The following FREM2 variants were observed in gnomAD, a reference collection of about 807,000 sequenced individuals.
FREM2 encodes the protein FRAS1-related extracellular matrix protein 2.
FREM2 carries 119 observed loss-of-function variants against 219.9 expected under a neutral mutation model. That is an observed-to-expected ratio of 0.54 (90% CI 0.47 to 0.63). FREM2 has a LOEUF of 0.63. Ranked by LOEUF, FREM2 falls within the 30% of genes least tolerant of loss-of-function variation. The pLI, the probability that FREM2 is intolerant of heterozygous loss-of-function variation, is 0.00. For synonymous variants in FREM2, 1,562 were observed against 1,522.8 expected (o/e 1.03, Z -0.60); for missense variants, 4,030 against 3,993.6 (o/e 1.01, Z -0.25).
At chr13:38,839,644 A>G (rs1246163203) in intron 6 of FREM2, among the ~76,000 whole-genome samples, 1 of 152,126 alleles carries the variant, frequency 6.6e-6, no homozygotes, top group African/African-American at 2.4e-5. Context: ...TCTTTCAGAG[A>G]TGTCTTGCCC....
intron 11 of FREM2, among the ~76,000 whole-genome samples, chr13:38,853,512 G>A (rs749174071): frequency 7.9e-5 from 12 of 152,034 alleles, no homozygotes; most frequent in South Asian, 4.1e-4. Flanking sequence ...ATCTTAGCAC[G>A]TCAGGCATTC....
intron 6 of FREM2, among the ~76,000 whole-genome samples, chr13:38,823,213 G>T (rs146674754): frequency 4.6e-5 from 7 of 151,346 alleles, no homozygotes; most frequent in Admixed American, 1.3e-4. Flanking sequence ...ATTTTTCCTC[G>T]TCTGAACTGC....
chr13:38,761,885 C>G (rs1194589269), intron 2 of FREM2, among the ~76,000 whole-genome samples: 2 of 152,070 alleles, frequency 1.3e-5, no homozygotes, highest in Non-Finnish European at 2.9e-5. Context: ...GATTAGAGTG[C>G]AAGGGGAACA....
At chr13:38,694,665 AATTG>A (rs1304296321) in intron 1 of FREM2, among the ~76,000 whole-genome samples, 4 of 152,224 alleles carry the variant, frequency 2.6e-5, no homozygotes. Flanking sequence ...GTTATTCCTA[AATTG>A]ATTGACTAAA....
At position 38,881,074 on chromosome 13, in the gene FREM2, A is replaced by G; in HGVS notation, c.*287A>G. On this transcript the variant is annotated 3_prime_UTR_variant, in exon 24 of 24. Coordinates refer to ENST00000280481, the MANE Select transcript of FREM2 (RefSeq NM_207361.6). ...ACTCCTCATTTTAGACATATTCTCT[A>G]TGCAGTGGAGATAAATCTATTAAAA... is the stretch of plus-strand genomic sequence containing the variant. 2 of 477,576 alleles carry G rather than the reference A, an allele frequency of 4.2e-6. No homozygotes were observed. The highest frequency in any genetic ancestry group is 2.1e-5 in the South Asian group (1 of 47,590). 29.6% of individuals were successfully genotyped at this position (477,576 alleles called of 1,614,324 possible).
intron 6 of FREM2, among the ~76,000 whole-genome samples, chr13:38,840,439 T>A (rs75980170): frequency 1.4e-5 from 2 of 140,206 alleles, no homozygotes; most frequent in East Asian, 2.0e-4. Context: ...TTTTTTTTTT[T>A]AATGCGGAGT....
chr13:38,765,636 C>T (rs1241166350), intron 3 of FREM2, among the ~76,000 whole-genome samples: 1 of 152,066 alleles, frequency 6.6e-6, no homozygotes, highest in African/African-American at 2.4e-5. Context: ...TTGCTGCAGC[C>T]AGAACCCCAC....
At chr13:38,699,685 ATTTAC>A (rs1870263197) in intron 2 of FREM2, among the ~76,000 whole-genome samples, 1 of 152,080 alleles carries the variant, frequency 6.6e-6, no homozygotes, top group Non-Finnish European at 1.5e-5. Context: ...GTTGAATAGA[ATTTAC>A]TTTAATTCCC....
intron 6 of FREM2, among the ~76,000 whole-genome samples, chr13:38,835,584 A>G (rs1876676889): frequency 6.6e-6 from 1 of 152,224 alleles, no homozygotes; most frequent in Admixed American, 6.5e-5. Flanking sequence ...TGAGCATGGA[A>G]TATTTTTCCA....
At chr13:38,807,076 T>C (rs1875258458) in intron 6 of FREM2, among the ~76,000 whole-genome samples, 1 of 150,056 alleles carries the variant, frequency 6.7e-6, no homozygotes, top group Non-Finnish European at 1.5e-5. Flanking sequence ...TGTAGTTACT[T>C]CCTCCACTGA....
intron 11 of FREM2, among the ~76,000 whole-genome samples, chr13:38,853,320 A>G (rs1210329488): frequency 1.3e-5 from 2 of 151,126 alleles, no homozygotes; most frequent in African/African-American, 4.9e-5. Context: ...TCCGTCTGAA[A>G]AAAAAAAAAA....
intron 6 of FREM2, among the ~76,000 whole-genome samples, chr13:38,823,991 C>T (rs1317904042): frequency 6.6e-6 from 1 of 151,966 alleles, no homozygotes; most frequent in Non-Finnish European, 1.5e-5. Context: ...GAGAATGAGG[C>T]CGTGTTTCAA....
chr13:38,704,900 A>C (rs1412881490), intron 2 of FREM2, among the ~76,000 whole-genome samples: 4 of 152,086 alleles, frequency 2.6e-5, no homozygotes, highest in Non-Finnish European at 5.9e-5. Flanking sequence ...AAACCATCAG[A>C]TCTCATGAGA....
At chr13:38,825,414 A>G (rs528987907) in intron 6 of FREM2, among the ~76,000 whole-genome samples, 2 of 151,174 alleles carry the variant, frequency 1.3e-5, no homozygotes, top group African/African-American at 4.9e-5. Context: ...ATTAACCACA[A>G]AGAATAAAGC....
rs1261952211 is a variant in FREM2 at position 38,881,782 on chromosome 13, A to C, written c.*995A>C. 1.3e-5 allele frequency: 2 copies of C among 152,494 alleles called. No individual in the cohort carries two copies. The highest frequency in any genetic ancestry group is 6.5e-5 in the Admixed American group (1 of 15,290). 9.4% of individuals were successfully genotyped at this position (152,494 alleles called of 1,614,324 possible). A position where few individuals can be genotyped will look rare whatever the true frequency, so the allele number is the denominator to read the frequency against. ...TGTATAATCAGAGTGCCTCTTATAC[A>C]TACTTTATAGAATAAAGGAACATTT... On this transcript the variant is annotated 3_prime_UTR_variant, in exon 24 of 24. Transcript: ENST00000280481.
At chr13:38,766,205 C>T (rs1345736369) in intron 3 of FREM2, among the ~76,000 whole-genome samples, 1 of 151,358 alleles carries the variant, frequency 6.6e-6, no homozygotes, top group Non-Finnish European at 1.5e-5. Flanking sequence ...ATTTTTTTGC[C>T]TTTTTTTTTC....
chr13:38,776,756 CATTT>C (rs1488441987), intron 4 of FREM2, among the ~76,000 whole-genome samples: 1 of 151,454 alleles, frequency 6.6e-6, no homozygotes, highest in Non-Finnish European at 1.5e-5. Context: ...ACTTTCTATT[CATTT>C]GTCTCTAAAT....
At chr13:38,839,064 C>T (rs4943607) in intron 6 of FREM2, among the ~76,000 whole-genome samples, 21,540 of 152,132 alleles carry the variant, frequency 0.14, 1,764 homozygotes, top group Admixed American at 0.24. Context: ...TTTTCAGCCT[C>T]TTTGTGCTGA....
In FREM2 at chr13:38,823,378, C is replaced by T. The variant is rs137930374; in HGVS notation, c.6020-23195C>T. Among the ~76,000 whole-genome samples the T allele has an allele frequency of 2.5e-3, 373 of 151,930 alleles. 1 individual carries two copies. In the Middle Eastern group the frequency reaches 0.041, roughly 17 times the overall value. On this transcript the variant is annotated intron_variant, in intron 6 of 23. Coordinates refer to ENST00000280481, the MANE Select transcript of FREM2 (RefSeq NM_207361.6). ...AATGCACATTTCATCATCATGTTCC[C>T]CCCTTTTTTAACACTGAGCACACCT... is the stretch of plus-strand genomic sequence containing the variant.
Sources: allele counts gnomAD v4.1 joint callset (sites outside exome capture counted in the v4.1 genomes callset), GRCh38; gene constraint gnomAD v4.1.1; transcripts MANE v1.5; gene names NCBI Gene and HGNC (gene_info 2026-07-23, HGNC 2026-07-21).